The following TNFSF4 variants were observed in gnomAD, a reference collection of about 807,000 sequenced individuals.
The protein encoded by TNFSF4 is tumor necrosis factor ligand superfamily member 4.
Under a neutral mutation model 7.3 loss-of-function variants are expected in TNFSF4, and 4 were observed. The ratio of observed to expected loss-of-function variants is 0.55; its 90% CI spans 0.27 to 1.25. The LOEUF (loss-of-function observed/expected upper bound fraction) is 1.25. TNFSF4 is among the 50% of genes most tolerant of loss of function. The pLI is 0.12. For missense variants in TNFSF4, 181 were observed against 208.8 expected (o/e 0.87, Z 0.82); for synonymous variants, 76 against 83.7 (o/e 0.91, Z 0.50).
At chr1:173,403,724 A>T in the TNFSF4 span, among the ~76,000 whole-genome samples, 2 of 152,196 alleles carry the variant, frequency 1.3e-5, no homozygotes, top group African/African-American at 2.4e-5. Flanking sequence ...CAAGATGGTG[A>T]AACCCCATCT....
chr1:173,283,301 A>G, the TNFSF4 span, among the ~76,000 whole-genome samples: 1 of 152,044 alleles, frequency 6.6e-6, no homozygotes, highest in Non-Finnish European at 1.5e-5. Flanking sequence ...TCCCCCCCCA[A>G]AAAAGAGAGT....
At chr1:173,381,752 G>C in the TNFSF4 span, among the ~76,000 whole-genome samples, 9 of 152,184 alleles carry the variant, frequency 5.9e-5, no homozygotes, top group African/African-American at 2.2e-4. Flanking sequence ...TTAGAGGGGG[G>C]ATTGACAGGT....
At chr1:173,186,902 C>A in intron 2 of TNFSF4, 37 bp from the exon 3 acceptor site, 1 of 1,429,144 alleles carries the variant, frequency 7.0e-7, no homozygotes, top group Non-Finnish European at 9.5e-7. Context: ...TAATTAATTC[C>A]TAAGCATAGA....
the TNFSF4 span, among the ~76,000 whole-genome samples, chr1:173,335,407 TTACA>T: frequency 6.6e-5 from 10 of 152,192 alleles, no homozygotes; most frequent in South Asian, 2.1e-3. Flanking sequence ...GGGCCAGACA[TTACA>T]GTAGAAATAG....
At chr1:173,228,798 G>A in the TNFSF4 span, among the ~76,000 whole-genome samples, 1 of 152,358 alleles carries the variant, frequency 6.6e-6, no homozygotes, top group East Asian at 1.9e-4. Flanking sequence ...AGCTTCAGTA[G>A]CTGATTCAAT....
the TNFSF4 span, among the ~76,000 whole-genome samples, chr1:173,398,409 C>CTT: frequency 0.026 from 2,688 of 101,570 alleles, 1 homozygote; most frequent in Non-Finnish European, 0.032. Flanking sequence ...TATTTCTTTT[C>CTT]TTTTTTTTTT....
At chr1:173,211,233 G>A (rs1264836088), upstream of TNFSF4, among the ~76,000 whole-genome samples, 1 of 152,226 alleles carries the variant, frequency 6.6e-6, no homozygotes, top group Non-Finnish European at 1.5e-5. Context: ...AAGTGATAGA[G>A]TGATGTCGGA....
the TNFSF4 span, chr1:173,175,644 T>C: frequency 6.6e-6 from 1 of 152,252 alleles, no homozygotes; most frequent in Non-Finnish European, 1.5e-5. Context: ...CTTGAGAATT[T>C]CTGGCAGAAG....
chr1:173,216,656 A>G, the TNFSF4 span, among the ~76,000 whole-genome samples: 2 of 151,958 alleles, frequency 1.3e-5, no homozygotes, highest in Non-Finnish European at 2.9e-5. Flanking sequence ...CTATCTCCAC[A>G]CTCATTACCA....
At chr1:173,366,321 T>C in the TNFSF4 span, among the ~76,000 whole-genome samples, 2 of 152,162 alleles carry the variant, frequency 1.3e-5, no homozygotes, top group African/African-American at 4.8e-5. Context: ...TGAAATTCTG[T>C]CATTTGCAAC....
the TNFSF4 span, among the ~76,000 whole-genome samples, chr1:173,366,115 C>G: frequency 6.6e-6 from 1 of 152,162 alleles, no homozygotes. Flanking sequence ...ATCCAGGAAT[C>G]CAACTCCTAG....
the TNFSF4 span, among the ~76,000 whole-genome samples, chr1:173,264,140 A>T: frequency 5.9e-5 from 9 of 152,106 alleles, no homozygotes; most frequent in East Asian, 1.9e-4. Context: ...TAAAATTTTT[A>T]AAAAATATTT....
chr1:173,450,014 G>C, the TNFSF4 span, among the ~76,000 whole-genome samples: 1 of 152,080 alleles, frequency 6.6e-6, no homozygotes, highest in East Asian at 1.9e-4. Context: ...TAAAAGTTCA[G>C]CACAATTGAT....
the TNFSF4 span, among the ~76,000 whole-genome samples, chr1:173,446,070 CA>C: frequency 1.3e-5 from 2 of 151,802 alleles, no homozygotes; most frequent in African/African-American, 4.8e-5. Flanking sequence ...ACTCAGCGTA[CA>C]AAGAACCAAT....
At chr1:173,400,845 G>A in the TNFSF4 span, among the ~76,000 whole-genome samples, 1 of 152,190 alleles carries the variant, frequency 6.6e-6, no homozygotes, top group African/African-American at 2.4e-5. Context: ...CACTTCACCA[G>A]GAAAAGAATC....
the TNFSF4 span, among the ~76,000 whole-genome samples, chr1:173,283,093 A>G: frequency 7.2e-5 from 11 of 152,314 alleles, no homozygotes; most frequent in East Asian, 1.5e-3. Context: ...TACTCATTCA[A>G]TGAATCATTG....
chr1:173,435,697 AT>A, the TNFSF4 span, among the ~76,000 whole-genome samples: 1 of 152,232 alleles, frequency 6.6e-6, no homozygotes, highest in African/African-American at 2.4e-5. Flanking sequence ...TCAATTTAAA[AT>A]TTCTTATTAA....
At chr1:173,403,893 C>T in the TNFSF4 span, among the ~76,000 whole-genome samples, 6 of 122,454 alleles carry the variant, frequency 4.9e-5, no homozygotes, top group Admixed American at 5.2e-4. Context: ...CAGAGCAAGA[C>T]TGTGTCTCAA....
the TNFSF4 span, among the ~76,000 whole-genome samples, chr1:173,248,530 GAGAAA>G: frequency 2.3e-4 from 35 of 150,770 alleles, no homozygotes; most frequent in African/African-American, 7.5e-4. Context: ...AGGAAGGAAG[GAGAAA>G]AGAAAAGAAA....
Sources: gnomAD v4.1 joint callset for allele counts (sites outside exome capture counted in the v4.1 genomes callset) on GRCh38, gnomAD v4.1.1 for gene constraint, MANE v1.5 for transcripts, NCBI Gene and HGNC (gene_info 2026-07-23, HGNC 2026-07-21) for gene names.